PPP2R3B: variants seen among roughly 807,000 people sequenced by gnomAD.
PPP2R3B encodes protein phosphatase 2 regulatory subunit B''beta, also known as serine/threonine-protein phosphatase 2A regulatory subunit B'' subunit beta.
In PPP2R3B, 68 loss-of-function variants were observed where a neutral mutation model predicts 72.9. That is an observed-to-expected ratio of 0.93 (90% CI 0.77 to 1.14). The LOEUF (loss-of-function observed/expected upper bound fraction) is 1.14. PPP2R3B is among the 50% of genes most tolerant of loss of function. The pLI, the probability that PPP2R3B is intolerant of heterozygous loss-of-function variation, is 0.00. For missense variants in PPP2R3B, 1,018 were observed against 842.0 expected (o/e 1.21, Z -2.59); for synonymous variants, 466 against 375.8 (o/e 1.24, Z -2.78).
At chrX:345,115 GCC>G in intron 7 of PPP2R3B, 1 of 482,496 alleles carries the variant, frequency 2.1e-6, no homozygotes, top group South Asian at 1.5e-5. Context: ...GCTCCACCTA[GCC>G]CGGGATTGGA....
At chrX:380,709 G>A (rs917452446) in intron 1 of PPP2R3B, among the ~76,000 whole-genome samples, 1 of 148,338 alleles carries the variant, frequency 6.7e-6, no homozygotes, top group African/African-American at 2.5e-5. Flanking sequence ...CACTTGAACT[G>A]CAGGAGGTGG....
intron 7 of PPP2R3B, 161 bp downstream of exon 7, chrX:345,355 G>A (rs771681615): frequency 7.8e-6 from 8 of 1,028,996 alleles, no homozygotes; most frequent in African/African-American, 1.6e-5. Flanking sequence ...GACTGGGGAA[G>A]GAGAGGCAGC....
In PPP2R3B at chrX:386,536, C is replaced by T. The variant is rs2072256464; in HGVS notation, c.156G>A (p.Gly52=). ...CTGTGGGCCAGGCCCCGGGCTGCTC[C>T]CCGTCCCCCGGGGTCGGCTGGTCCC... ...PGRDQPTPGD[G]EQPGAWPTAP... The change falls in exon 1 of 13, where the codon GGG becomes GGA. Residue 52 remains glycine (G), a synonymous_variant. Coordinates refer to ENST00000390665, the MANE Select transcript of PPP2R3B (RefSeq NM_013239.5). 7.0e-7 allele frequency: 1 copy of T among 1,429,712 alleles called. No individual in the cohort carries two copies. The highest frequency in any genetic ancestry group is 9.2e-7 in the Non-Finnish European group (1 of 1,088,542). The allele number at this position is 1,429,712 out of a possible 1,614,324, so 88.6% of individuals were successfully genotyped here.
chrX:384,979 T>C (rs985986222), intron 1 of PPP2R3B, among the ~76,000 whole-genome samples: 2 of 97,504 alleles, frequency 2.1e-5, no homozygotes, highest in Non-Finnish European at 3.8e-5. Context: ...TGAGAATCTG[T>C]CTCAAAAAAA....
intron 4 of PPP2R3B, 21 bp from the exon 5 acceptor site, chrX:346,796 G>A (rs1278915732): frequency 1.9e-6 from 3 of 1,604,436 alleles, no homozygotes; most frequent in Non-Finnish European, 2.6e-6. Flanking sequence ...GAAGACACGA[G>A]GCGCGTGGTG....
chrX:353,630 G>A (rs2071373721), intron 2 of PPP2R3B, among the ~76,000 whole-genome samples: 1 of 152,264 alleles, frequency 6.6e-6, no homozygotes, highest in African/African-American at 2.4e-5. Context: ...ACAAGAAAAG[G>A]AGACCGCAGG....
intron 6 of PPP2R3B, among the ~76,000 whole-genome samples, chrX:345,925 C>G (rs1012413864): frequency 6.1e-5 from 9 of 147,380 alleles, no homozygotes; most frequent in Non-Finnish European, 1.4e-4. Context: ...TCGGCTCCCC[C>G]TCAGGGTGGT....
In PPP2R3B at chrX:334,475, C is replaced by T. The variant is rs150886971; in HGVS notation, c.1620G>A (p.Ala540=). ...ELSPVEQKLS[A]LRSPLAQRPF... ...GCCTCTGGGCCAGCGGGGAGCGCAG[C>T]GCACTCAGCTTCTGCTCCACAGGGC... is the stretch of plus-strand genomic sequence containing the variant. Residue 540 remains alanine (A), a synonymous_variant, in exon 13 of 13, where the codon GCG becomes GCA. Transcript: ENST00000390665. 589 of 1,589,254 alleles carry T rather than the reference C, an allele frequency of 3.7e-4. 1 individual carries two copies. The African/African-American group carries it at 5.8e-3, about 16-fold the overall frequency.
chrX:373,287 T>G (rs1177427798), intron 1 of PPP2R3B, among the ~76,000 whole-genome samples: 2 of 152,098 alleles, frequency 1.3e-5, no homozygotes, highest in African/African-American at 4.8e-5. Context: ...CAAAGCCCGG[T>G]TTTCCTAACA....
intron 3 of PPP2R3B, 23 bp downstream of exon 3, chrX:347,567 C>A (rs758566911): frequency 6.4e-7 from 1 of 1,558,854 alleles, no homozygotes; most frequent in Non-Finnish European, 8.7e-7. Flanking sequence ...CCGACACAGC[C>A]CCCTGCCCAG....
intron 1 of PPP2R3B, among the ~76,000 whole-genome samples, chrX:386,110 TA>T (rs1318157051): frequency 6.6e-6 from 1 of 151,388 alleles, no homozygotes; most frequent in Non-Finnish European, 1.5e-5. Context: ...AATAATAAAA[TA>T]AAATAAAATA....
In PPP2R3B at chrX:386,473, G is replaced by C. The variant is rs748645272; in HGVS notation, c.219C>G (p.Pro73=). The change falls in exon 1 of 13, where the codon CCC becomes CCG. Residue 73 remains proline, a synonymous_variant. Transcript: ENST00000390665. ...CAGGGCCCGGCCCGGGGGTTCCCGG[G>C]GGTTCGAGCCCGCTGGGCCGGGGGG... The part of the protein sequence containing the change: ...LAAPRPSGLE[P]PGTPGPGPAL... 1.0e-5 allele frequency: 13 copies of C among 1,285,042 alleles called. No individual in the cohort carries two copies. In the East Asian group the frequency reaches 3.9e-4, roughly 39 times the overall value. 79.6% of individuals were successfully genotyped at this position (1,285,042 alleles called of 1,614,324 possible). A position where few individuals can be genotyped will look rare whatever the true frequency, so the allele number is the denominator to read the frequency against.
intron 7 of PPP2R3B, among the ~76,000 whole-genome samples, chrX:344,313 C>T (rs1418545840): frequency 6.0e-5 from 9 of 149,074 alleles, no homozygotes; most frequent in African/African-American, 2.2e-4. Flanking sequence ...ACCTCACCAA[C>T]GGGAGGCGGG....
In PPP2R3B at chrX:347,248, C is replaced by T. The variant is rs774503027; in HGVS notation, c.703G>A (p.Val235Ile). 2 of 1,613,634 alleles carry T rather than the reference C, an allele frequency of 1.2e-6. No individual in the cohort carries two copies. Among genetic ancestry groups the T allele is most frequent in the South Asian group, 2.2e-5 (2 of 91,066 alleles). The stretch of plus-strand genomic sequence containing the variant: ...CAGGCTCTCACCTGCAAGAAGGGGA[C>T]AAAGTCCTCCTGCACCAGGTAGTTG... ...GCNYLVQEDF[V>I]PFLQDVVNTH... Residue 235 changes from valine (V) to isoleucine (I), a missense_variant, in exon 4 of 13, where the codon GTC becomes ATC. By Grantham distance (29) the Val-to-Ile change is conservative (BLOSUM62 3). Transcript: ENST00000390665.
At chrX:382,477 T>C (rs1422325653) in intron 1 of PPP2R3B, among the ~76,000 whole-genome samples, 3 of 152,040 alleles carry the variant, frequency 2.0e-5, no homozygotes, top group African/African-American at 7.2e-5. Flanking sequence ...GGAATTCAGG[T>C]GTGAGCGACT....
At chrX:339,149 C>T (rs1039948383) in intron 10 of PPP2R3B, among the ~76,000 whole-genome samples, 4 of 123,960 alleles carry the variant, frequency 3.2e-5, no homozygotes, top group East Asian at 2.5e-4. Flanking sequence ...CTGGGACTAG[C>T]GCAGGGAGGC....
chrX:341,502 G>T (rs867547890), intron 8 of PPP2R3B, 106 bp from the exon 9 acceptor site: 2 of 1,100,110 alleles, frequency 1.8e-6, no homozygotes, highest in Non-Finnish European at 2.7e-6. Context: ...CCCCGGGCCC[G>T]GCCCTCCTCC....
At position 347,821 on chromosome X, in the gene PPP2R3B, C is replaced by T. The variant is rs151135221; in HGVS notation, c.511-128G>A. 713 of 667,298 alleles carry T rather than the reference C, an allele frequency of 1.1e-3. 3 individuals are homozygous for T. The highest frequency in any genetic ancestry group is 9.0e-3 in the African/African-American group (498 of 55,108). The allele number at this position is 667,298 out of a possible 1,614,324, so 41.3% of individuals were successfully genotyped here. A position where few individuals can be genotyped will look rare whatever the true frequency, so the allele number is the denominator to read the frequency against. On this transcript the variant is annotated intron_variant, in intron 2 of 12. Transcript: ENST00000390665. ...GCAGAAAGACACAGCACGCTCAGCG[C>T]GGCCTGTCTGGGCATCTGCAAACTC...
chrX:384,037 G>A (rs2072188057), intron 1 of PPP2R3B, among the ~76,000 whole-genome samples: 1 of 151,702 alleles, frequency 6.6e-6, no homozygotes, highest in African/African-American at 2.4e-5. Flanking sequence ...CAAGACCAAG[G>A]GCCACCTGAG....
Sources: allele counts gnomAD v4.1 joint callset (sites outside exome capture counted in the v4.1 genomes callset), GRCh38; gene constraint gnomAD v4.1.1; transcripts MANE v1.5; gene names NCBI Gene and HGNC (gene_info 2026-07-23, HGNC 2026-07-21).